KLRG1: variants seen among roughly 807,000 people sequenced by gnomAD.
KLRG1 encodes the protein killer cell lectin like receptor G1, also known as killer cell lectin-like receptor subfamily G member 1.
KLRG1 carries 16 observed loss-of-function variants against 21.8 expected under a neutral mutation model. That is an observed-to-expected ratio of 0.73 (90% CI 0.50 to 1.11). The LOEUF is 1.11. KLRG1 is among the 50% of genes most tolerant of loss of function. The probability of loss-of-function intolerance (pLI) is 0.00; values close to 1 mark genes in which losing one functional copy is unlikely to be tolerated. For missense variants in KLRG1, 173 were observed against 218.3 expected (o/e 0.79, Z 1.31); for synonymous variants, 69 against 75.9 (o/e 0.91, Z 0.47).
At chr12:9,154,889 T>G in the KLRG1 span, 3 of 1,510,876 alleles carry the variant, frequency 2.0e-6, no homozygotes, top group Non-Finnish European at 1.8e-6. Context: ...TAAGTAATTA[T>G]AACTGGTAGA....
chr12:9,004,216 C>T (rs1238360795), intron 3 of KLRG1, among the ~76,000 whole-genome samples: 1 of 152,158 alleles, frequency 6.6e-6, no homozygotes, highest in Admixed American at 6.5e-5. Context: ...TGGGAATATA[C>T]CCAGTAATGG....
At chr12:9,186,102 G>T in the KLRG1 span, among the ~76,000 whole-genome samples, 2 of 151,814 alleles carry the variant, frequency 1.3e-5, no homozygotes, top group Non-Finnish European at 2.9e-5. Context: ...CACTGCACCT[G>T]GCCAACATTC....
the KLRG1 span, among the ~76,000 whole-genome samples, chr12:9,188,802 T>C: frequency 9.2e-5 from 14 of 152,182 alleles, no homozygotes; most frequent in African/African-American, 3.1e-4. Flanking sequence ...ATAAAATACC[T>C]AGAAATATAG....
At chr12:9,215,502 T>C in the KLRG1 span, among the ~76,000 whole-genome samples, 1 of 152,040 alleles carries the variant, frequency 6.6e-6, no homozygotes, top group African/African-American at 2.4e-5. Context: ...CTCTTTCTTT[T>C]TATACAATAT....
the KLRG1 span, chr12:9,167,375 C>T: frequency 6.6e-6 from 1 of 152,146 alleles, no homozygotes; most frequent in Non-Finnish European, 1.5e-5. Flanking sequence ...GTCTCTGCAT[C>T]AAAGCTTTGT....
At chr12:9,157,905 T>C in the KLRG1 span, 6 of 1,357,778 alleles carry the variant, frequency 4.4e-6, no homozygotes, top group Non-Finnish European at 6.3e-6. Flanking sequence ...TCTTCTGTTG[T>C]TTGATGGAAA....
At chr12:9,205,791 C>A in the KLRG1 span, among the ~76,000 whole-genome samples, 1 of 152,096 alleles carries the variant, frequency 6.6e-6, no homozygotes, top group African/African-American at 2.4e-5. Context: ...CACAAGAAAC[C>A]CAATATTGTT....
At chr12:9,112,945 T>G in the KLRG1 span, among the ~76,000 whole-genome samples, 1 of 152,202 alleles carries the variant, frequency 6.6e-6, no homozygotes, top group Non-Finnish European at 1.5e-5. Context: ...TCTGAAGAGA[T>G]ATTACACCTT....
the KLRG1 span, among the ~76,000 whole-genome samples, chr12:9,033,476 C>T: frequency 1.3e-5 from 2 of 151,888 alleles, no homozygotes; most frequent in South Asian, 2.1e-4. Context: ...GGTATTTCCC[C>T]TCCCACCCTG....
the KLRG1 span, chr12:9,162,538 T>C: frequency 8.3e-7 from 1 of 1,199,206 alleles, no homozygotes; most frequent in Non-Finnish European, 1.2e-6. Context: ...CATTGTAACT[T>C]GAGGTTTATA....
At chr12:9,094,234 C>G in the KLRG1 span, among the ~76,000 whole-genome samples, 1 of 151,274 alleles carries the variant, frequency 6.6e-6, no homozygotes, top group Non-Finnish European at 1.5e-5. Flanking sequence ...TTTTTATTCT[C>G]TATCGTGTCA....
the KLRG1 span, among the ~76,000 whole-genome samples, chr12:9,085,764 A>G: frequency 2.6e-5 from 4 of 152,146 alleles, no homozygotes; most frequent in Non-Finnish European, 4.4e-5. Flanking sequence ...AGGTTAGCTA[A>G]GAAAAAAGAG....
the KLRG1 span, chr12:9,099,254 C>T: frequency 6.9e-6 from 6 of 863,972 alleles, no homozygotes; most frequent in Non-Finnish European, 1.1e-5. Flanking sequence ...CTGCCACTAC[C>T]TTGCTGAATG....
the KLRG1 span, among the ~76,000 whole-genome samples, chr12:9,073,080 A>C: frequency 6.6e-6 from 1 of 152,128 alleles, no homozygotes; most frequent in African/African-American, 2.4e-5. Context: ...TATGCCCTAC[A>C]TGTTTATTTT....
the KLRG1 span, chr12:9,135,691 C>A: frequency 2.0e-5 from 4 of 198,688 alleles, no homozygotes; most frequent in Non-Finnish European, 3.0e-5. Context: ...CATGTCACAG[C>A]TGTGAAGATC....
chr12:9,201,116 C>A, the KLRG1 span: 2 of 1,586,974 alleles, frequency 1.3e-6, no homozygotes, highest in South Asian at 2.3e-5. Flanking sequence ...AGTCCTTGAG[C>A]AACTCAAATG....
the KLRG1 span, chr12:9,149,465 G>A: frequency 8.0e-7 from 1 of 1,252,624 alleles, no homozygotes; most frequent in South Asian, 1.5e-5. Flanking sequence ...GATTGTCTCA[G>A]ATGTAGGAAA....
chr12:9,162,647 GCCTTGGAT>G, the KLRG1 span: 1 of 1,589,602 alleles, frequency 6.3e-7, no homozygotes. Flanking sequence ...AATACCTTCA[GCCTTGGAT>G]GAAAGGAAAG....
the KLRG1 span, among the ~76,000 whole-genome samples, chr12:9,209,054 A>AT: frequency 0.96 from 144,698 of 150,420 alleles, 69,824 homozygotes; most frequent in East Asian, 1. Context: ...TTTATCTGAG[A>AT]TTTTTTTTTT....
Sources: gnomAD v4.1 joint callset for allele counts (sites outside exome capture counted in the v4.1 genomes callset) on GRCh38, gnomAD v4.1.1 for gene constraint, MANE v1.5 for transcripts, NCBI Gene and HGNC (gene_info 2026-07-23, HGNC 2026-07-21) for gene names.